Variants in DMD observed in about 807,000 individuals in gnomAD.
The protein encoded by DMD is mutant dystrophin.
Under a neutral mutation model 330.1 loss-of-function variants are expected in DMD, and 63 were observed. That is an observed-to-expected ratio of 0.19 (90% CI 0.16 to 0.24). DMD has a LOEUF of 0.24. Among genes scored for constraint, DMD ranks in the 10% least tolerant of loss-of-function variants. The pLI is 1.00. For synonymous variants in DMD, 1,223 were observed against 959.8 expected, an observed-to-expected ratio of 1.27 and a Z score of -5.07; for missense variants, 3,344 against 2,684.1, an observed-to-expected ratio of 1.25 and a Z score of -5.43.
intron 13 of DMD, among the ~76,000 whole-genome samples, chrX:32,580,452 A>G (rs1321359511): frequency 8.9e-6 from 1 of 111,974 alleles, no homozygotes; most frequent in Non-Finnish European, 1.9e-5. Context: ...AACAAACTCA[A>G]TCTTGCTGTG....
chrX:32,895,844 C>T (rs985081590), intron 2 of DMD, among the ~76,000 whole-genome samples: 3 of 99,789 alleles, frequency 3.0e-5, no homozygotes, highest in Admixed American at 1.1e-4. Flanking sequence ...TTGGAATGAA[C>T]GTGTGTGTGT....
chrX:33,165,397 CTT>C (rs959554399), intron 1 of DMD, among the ~76,000 whole-genome samples: 5 of 111,554 alleles, frequency 4.5e-5, no homozygotes, highest in African/African-American at 1.6e-4. Context: ...TCAAAAAACT[CTT>C]TGGTGGCTTG....
intron 57 of DMD, among the ~76,000 whole-genome samples, chrX:31,481,373 AT>A (rs1057476780): frequency 1.8e-5 from 2 of 112,035 alleles, no homozygotes; most frequent in Admixed American, 9.5e-5. Flanking sequence ...CAGAGAGATA[AT>A]GAGGCAATTG....
At chrX:31,652,996 T>C (rs753917255) in intron 54 of DMD, among the ~76,000 whole-genome samples, 1 of 111,036 alleles carries the variant, frequency 9.0e-6, no homozygotes, top group African/African-American at 3.3e-5. Context: ...AAAGAAGAAA[T>C]TGAATATCCC....
At chrX:33,136,559 A>T (rs957559877) in intron 1 of DMD, among the ~76,000 whole-genome samples, 1 of 109,483 alleles carries the variant, frequency 9.1e-6, no homozygotes, top group Non-Finnish European at 1.9e-5. Flanking sequence ...CAGTATTAAG[A>T]GGTAGGGTTT....
At chrX:32,918,588 C>A (rs778708709) in intron 2 of DMD, among the ~76,000 whole-genome samples, 71 of 111,814 alleles carry the variant, frequency 6.3e-4, no homozygotes, top group African/African-American at 2.2e-3. Context: ...TGGGCTCAAG[C>A]GATCTGCCTG....
intron 11 of DMD, among the ~76,000 whole-genome samples, chrX:32,622,909 C>T (rs916275519): frequency 9.0e-6 from 1 of 111,701 alleles, no homozygotes; most frequent in Non-Finnish European, 1.9e-5. Context: ...GGTCATGGAT[C>T]ACACTTTGAA....
chrX:32,523,933 T>C (rs1049427182), intron 17 of DMD, among the ~76,000 whole-genome samples: 7 of 58,922 alleles, frequency 1.2e-4, no homozygotes, highest in African/African-American at 7.3e-4. Flanking sequence ...AAAAGAAATC[T>C]TTTTTTTTTT....
intron 7 of DMD, among the ~76,000 whole-genome samples, chrX:32,763,925 C>T (rs557617892): frequency 9.0e-6 from 1 of 111,369 alleles, no homozygotes; most frequent in African/African-American, 3.3e-5. Flanking sequence ...AAATTAAAAA[C>T]AGCCTAAATA....
chrX:32,697,448 C>T (rs1204526890), intron 9 of DMD, among the ~76,000 whole-genome samples: 1 of 111,701 alleles, frequency 9.0e-6, no homozygotes, highest in African/African-American at 3.3e-5. Context: ...TAAAATAATT[C>T]ACTTAGAATG....
Position 32,425,899 on chromosome X carries a change from C to A in DMD, c.4071+12342G>T, listed in dbSNP as rs753799354. Reference sequence around the variant, plus strand: ...AAGCAAGCAATGAGGAAAGGACTCCCTATTCCATAAATGGTGCTGGGATAA... The same window carrying A: ...AAGCAAGCAATGAGGAAAGGACTCCATATTCCATAAATGGTGCTGGGATAA... On this transcript the variant is annotated intron_variant, in intron 29 of 78. Transcript: ENST00000357033. Among the ~76,000 whole-genome samples, 87 of 111,858 alleles carry A rather than the reference C, an allele frequency of 7.8e-4. 1 individual carries two copies. Among genetic ancestry groups the A allele is most frequent in the Non-Finnish European group, 9.4e-4 (50 of 53,104 alleles).
chrX:32,795,275 T>C (rs1296876431), intron 7 of DMD, among the ~76,000 whole-genome samples: 3 of 111,981 alleles, frequency 2.7e-5, no homozygotes, highest in South Asian at 3.7e-4. Flanking sequence ...AACAGACATA[T>C]AGAACAATGG....
chrX:31,730,008 G>A (rs1288774235), intron 51 of DMD, among the ~76,000 whole-genome samples: 7 of 111,360 alleles, frequency 6.3e-5, no homozygotes, highest in African/African-American at 9.8e-5. Context: ...GGAGTACCTC[G>A]GATTACTTAA....
At chrX:31,177,451 C>G (rs1383390255) in intron 71 of DMD, among the ~76,000 whole-genome samples, 1 of 111,587 alleles carries the variant, frequency 9.0e-6, no homozygotes, top group Non-Finnish European at 1.9e-5. Context: ...TTCAACCAAA[C>G]TCAGCATCAT....
At chrX:32,325,366 G>A (rs1349514063) in intron 41 of DMD, among the ~76,000 whole-genome samples, 1 of 111,422 alleles carries the variant, frequency 9.0e-6, no homozygotes, top group Non-Finnish European at 1.9e-5. Context: ...AAGAGTAGAT[G>A]CAAATAGATA....
chrX:33,034,900 A>G lies in DMD; in HGVS notation c.32-14700T>C, dbSNP rs181053953. Among the ~76,000 whole-genome samples, 399 of 112,261 alleles carry G rather than the reference A, an allele frequency of 3.6e-3. 1 individual carries two copies. Among genetic ancestry groups the G allele is most frequent in the African/African-American group, 0.012 (383 of 31,005 alleles). On this transcript the variant is annotated intron_variant, in intron 1 of 78. Coordinates refer to ENST00000357033, the MANE Select transcript of DMD (RefSeq NM_004006.3). ...GGACTAAATAAGCCATTATCTTTAT[A>G]TGGCATAGAAAGTGTCTGGCCCCAA...
intron 74 of DMD, among the ~76,000 whole-genome samples, chrX:31,159,812 T>C (rs773685958): frequency 2.7e-5 from 3 of 112,465 alleles, no homozygotes; most frequent in Admixed American, 9.4e-5. Flanking sequence ...ATACTGATTA[T>C]GCAAGCTCTA....
At chrX:32,832,039 C>G (rs1413898687) in intron 4 of DMD, among the ~76,000 whole-genome samples, 1 of 110,953 alleles carries the variant, frequency 9.0e-6, no homozygotes, top group Non-Finnish European at 1.9e-5. Context: ...TCGTTTCTCA[C>G]ATTTGTTTCA....
chrX:33,187,699 C>T (rs1336197993), intron 1 of DMD, among the ~76,000 whole-genome samples: 2 of 111,740 alleles, frequency 1.8e-5, no homozygotes, highest in Admixed American at 1.9e-4. Context: ...AAATTTATTT[C>T]AGGTCTGGGA....
Sources: allele counts gnomAD v4.1 joint callset (sites outside exome capture counted in the v4.1 genomes callset), GRCh38; gene constraint gnomAD v4.1.1; transcripts MANE v1.5; gene names NCBI Gene and HGNC (gene_info 2026-07-23, HGNC 2026-07-21).